The following CHD7 variants were observed in gnomAD, a reference collection of about 807,000 sequenced individuals.
CHD7 encodes ATP-dependent chromatin remodeler CHD7.
A neutral mutation model predicts 307.3 loss-of-function variants in CHD7; 24 were observed. The ratio of observed to expected loss-of-function variants is 0.08; its 90% CI spans 0.06 to 0.11. The LOEUF (loss-of-function observed/expected upper bound fraction) is 0.11, where lower values mean the gene tolerates loss of function less well. CHD7 is among the 10% of genes least tolerant of loss of function. CHD7 has a pLI of 1.00. For missense variants in CHD7, 3,106 were observed against 3,727.1 expected, an observed-to-expected ratio of 0.83 and a Z score of 4.34; for synonymous variants, 1,363 against 1,349.9, an observed-to-expected ratio of 1.01 and a Z score of -0.21.
chr8:60,731,245 A>G (rs1183591523), intron 1 of CHD7, among the ~76,000 whole-genome samples: 3 of 152,258 alleles, frequency 2.0e-5, no homozygotes, highest in African/African-American at 4.8e-5. Context: ...GTATTGAGAT[A>G]TACATCTTAT....
chr8:60,809,288 A>G (rs920292901), intron 7 of CHD7, among the ~76,000 whole-genome samples: 1 of 152,216 alleles, frequency 6.6e-6, no homozygotes, highest in African/African-American at 2.4e-5. Flanking sequence ...GACAATTTTA[A>G]AAATGCTCGG....
intron 1 of CHD7, among the ~76,000 whole-genome samples, chr8:60,716,174 G>T (rs1173769220): frequency 6.6e-6 from 1 of 152,198 alleles, no homozygotes; most frequent in African/African-American, 2.4e-5. Flanking sequence ...GGTCCAAGTG[G>T]CCTTTTTTCC....
rs368212471 is a variant in CHD7 at position 60,748,411 on chromosome 8, G to T, written c.1665+5314G>T. Among the ~76,000 whole-genome samples, 244 of 152,304 alleles carry T rather than the reference G, an allele frequency of 1.6e-3. 4 individuals are homozygous for T. Among genetic ancestry groups the T allele is most frequent in the African/African-American group, 5.6e-3 (234 of 41,554 alleles). ...GGCTTAGTGGACAGAAAGCTGCATG[G>T]TCCTGGGCCCATGGCACTGGAGGGC... is the stretch of plus-strand genomic sequence containing the variant. On this transcript the variant is annotated intron_variant, in intron 2 of 37. Transcript: ENST00000423902.
chr8:60,710,298 C>T (rs921725479), intron 1 of CHD7, among the ~76,000 whole-genome samples: 1 of 147,884 alleles, frequency 6.8e-6, no homozygotes, highest in Middle Eastern at 3.2e-3. Context: ...GGTTTGGCAA[C>T]ACAGAAGGCA....
At chr8:60,748,200 G>T (rs1469265351) in intron 2 of CHD7, among the ~76,000 whole-genome samples, 1 of 152,176 alleles carries the variant, frequency 6.6e-6, no homozygotes, top group Non-Finnish European at 1.5e-5. Context: ...AGTGGGCGAG[G>T]TGGGGGTCTG....
chr8:60,710,234 C>CT (rs35355868), intron 1 of CHD7, among the ~76,000 whole-genome samples: 53,384 of 141,860 alleles, frequency 0.38, 11,956 homozygotes, highest in South Asian at 0.53. Flanking sequence ...GAAATGAAAA[C>CT]TTTTTTTTTT....
chr8:60,845,011 T>C lies in CHD7; in HGVS notation c.4998T>C (p.Asp1666=). 1.2e-6 allele frequency: 2 copies of C among 1,613,994 alleles called. No individual in the cohort carries two copies. The highest frequency in any genetic ancestry group is 2.2e-5 in the South Asian group (2 of 91,078). Residue 1666 remains aspartate, a synonymous_variant, in exon 22 of 38, where the codon GAT becomes GAC. Transcript: ENST00000423902. ...AGAATATCAAAAGCTTCATCTGGGA[T>C]CTGATCACACCCACAGCGGATGGCC... The part of the protein sequence containing the change: ...GDENIKSFIW[D]LITPTADGQT...
intron 1 of CHD7, among the ~76,000 whole-genome samples, chr8:60,737,628 T>G (rs550691996): frequency 6.7e-4 from 102 of 152,344 alleles, no homozygotes; most frequent in African/African-American, 2.3e-3. Context: ...CACATGCATC[T>G]TCTGAACTGT....
Position 60,688,292 on chromosome 8 carries a change from A to T in CHD7, c.-175+9210A>T, listed in dbSNP as rs80018427. 4.7e-3 allele frequency among the ~76,000 whole-genome samples: 710 copies of T among 151,580 alleles called. 2 individuals are homozygous for T. The highest frequency in any genetic ancestry group is 0.016 in the African/African-American group (669 of 41,068). On this transcript the variant is annotated intron_variant, in intron 1 of 37. Transcript: ENST00000423902. Reference sequence around the variant, plus strand: ...CTGCCCAGGGTTATGGTGAAGGTTAAGTGAGGCACTCCAGCTAACATACTT... The same window carrying T: ...CTGCCCAGGGTTATGGTGAAGGTTATGTGAGGCACTCCAGCTAACATACTT...
At chr8:60,751,514 C>T (rs1199073065) in intron 2 of CHD7, among the ~76,000 whole-genome samples, 1 of 152,220 alleles carries the variant, frequency 6.6e-6, no homozygotes, top group Admixed American at 6.5e-5. Flanking sequence ...ATTTTCTATT[C>T]TCTGTAGTTA....
At chr8:60,715,326 CTT>C (rs11376102) in intron 1 of CHD7, among the ~76,000 whole-genome samples, 74 of 125,866 alleles carry the variant, frequency 5.9e-4, no homozygotes, top group African/African-American at 1.5e-3. Context: ...AGGGCTCTGC[CTT>C]TTTTTTTTTT....
At position 60,823,837 on chromosome 8, in the gene CHD7, T is replaced by C. The variant is rs1060503183; in HGVS notation, c.3202-3T>C. On this transcript the variant is annotated splice_polypyrimidine_tract_variant and splice_region_variant and intron_variant, in intron 12 of 37. Transcript: ENST00000423902. ...TAATAATAATTCAGAGTTGTTCTTATAGGGTCGAGTGATAAAGGGGTCCTA... is the reference window on the plus strand; with the variant it reads ...TAATAATAATTCAGAGTTGTTCTTACAGGGTCGAGTGATAAAGGGGTCCTA... The C allele has an allele frequency of 8.7e-6, 14 of 1,612,414 alleles. No homozygotes were observed. The highest frequency in any genetic ancestry group is 2.2e-5 in the South Asian group (2 of 91,044).
At chr8:60,848,343 C>T (rs1005622262) in intron 23 of CHD7, among the ~76,000 whole-genome samples, 172 bp from the exon 24 acceptor site, 2 of 152,226 alleles carry the variant, frequency 1.3e-5, no homozygotes, top group African/African-American at 2.4e-5. Context: ...CAGCAGAAAG[C>T]ACCACACAGA....
At position 60,852,920 on chromosome 8, in the gene CHD7, C is replaced by T. The variant is rs750835437; in HGVS notation, c.6195C>T (p.Arg2065=). 5.6e-6 allele frequency: 9 copies of T among 1,613,838 alleles called. No homozygotes were observed. Among genetic ancestry groups the T allele is most frequent in the East Asian group, 2.2e-5 (1 of 44,886 alleles). ...LYRIELLRKI[R]EQVLHHPQLG... ...GCATTGAGCTGCTACGGAAGATCCG[C>T]GAGCAGGTTCTCCATCACCCCCAGC... The change falls in exon 31 of 38, where the codon CGC becomes CGT. Residue 2065 remains arginine, a synonymous_variant. Transcript: ENST00000423902.
intron 1 of CHD7, among the ~76,000 whole-genome samples, chr8:60,716,412 A>G (rs1360695312): frequency 6.6e-6 from 1 of 152,134 alleles, no homozygotes; most frequent in Non-Finnish European, 1.5e-5. Context: ...ATGGGACACC[A>G]CACTTTGTCC....
intron 19 of CHD7, 65 bp from the exon 20 acceptor site, chr8:60,841,569 CATAAACAAAA>C: frequency 8.8e-7 from 1 of 1,141,530 alleles, no homozygotes; most frequent in Admixed American, 1.8e-5. Flanking sequence ...GGAGCAAATA[CATAAACAAAA>C]GCTGCTTTAC....
At chr8:60,830,920 T>G (rs1485664177) in intron 15 of CHD7, among the ~76,000 whole-genome samples, 1 of 152,192 alleles carries the variant, frequency 6.6e-6, no homozygotes, top group Non-Finnish European at 1.5e-5. Flanking sequence ...GGGGTGTGTG[T>G]ATTTAAATCA....
At chr8:60,783,150 A>G (rs1811339651) in intron 3 of CHD7, among the ~76,000 whole-genome samples, 2 of 152,194 alleles carry the variant, frequency 1.3e-5, no homozygotes, top group Admixed American at 1.3e-4. Context: ...ATAACACTTT[A>G]TATTAGATAT....
At chr8:60,711,406 AT>A (rs950388267) in intron 1 of CHD7, among the ~76,000 whole-genome samples, 2 of 152,212 alleles carry the variant, frequency 1.3e-5, no homozygotes, top group Non-Finnish European at 2.9e-5. Flanking sequence ...CTACTGACTT[AT>A]AATGAGGGTG....
Sources: gnomAD v4.1 joint callset for allele counts (sites outside exome capture counted in the v4.1 genomes callset) on GRCh38, gnomAD v4.1.1 for gene constraint, MANE v1.5 for transcripts, NCBI Gene and HGNC (gene_info 2026-07-23, HGNC 2026-07-21) for gene names.